The following ST3GAL1 variants were observed in gnomAD, a reference collection of about 807,000 sequenced individuals.
The protein encoded by ST3GAL1 is CMP-N-acetylneuraminate-beta-galactosamide-alpha-2,3-sialyltransferase 1.
ST3GAL1 carries 16 observed loss-of-function variants against 34.1 expected under a neutral mutation model. The observed-to-expected ratio is 0.47, with a 90% CI of 0.32 to 0.71. ST3GAL1 has a LOEUF of 0.71. Ranked by LOEUF, ST3GAL1 falls within the 30% of genes least tolerant of loss-of-function variation. ST3GAL1 has a pLI of 0.04. For synonymous variants in ST3GAL1, 191 were observed against 184.7 expected, an observed-to-expected ratio of 1.03 and a Z score of -0.28; for missense variants, 353 against 447.4, an observed-to-expected ratio of 0.79 and a Z score of 1.90.
Position 133,529,165 on chromosome 8 carries a change from C to T in ST3GAL1, c.-429+16609G>A, listed in dbSNP as rs1468308796. ...CCAACCCCTGTGGTGATGGGTCCTC[C>T]CACCAATGGGACCGGCTTTCTAGCC... On this transcript the variant is annotated intron_variant, in intron 2 of 9. Coordinates refer to ENST00000522652, the MANE Select transcript of ST3GAL1 (RefSeq NM_173344.3). Among the ~76,000 whole-genome samples the T allele has an allele frequency of 3.3e-5, 5 of 152,164 alleles. No individual in the cohort carries two copies. In the East Asian group the frequency reaches 7.7e-4, roughly 23 times the overall value.
chr8:133,460,200 C>T (rs1815444101), intron 9 of ST3GAL1, among the ~76,000 whole-genome samples: 1 of 152,106 alleles, frequency 6.6e-6, no homozygotes, highest in Non-Finnish European at 1.5e-5. Context: ...TCTCAGGGGC[C>T]CGGGTCTTAC....
intron 5 of ST3GAL1, among the ~76,000 whole-genome samples, chr8:133,471,222 G>A (rs1815944144): frequency 6.6e-6 from 1 of 152,140 alleles, no homozygotes; most frequent in African/African-American, 2.4e-5. Context: ...GGTAGTACAG[G>A]CTCAAGATAT....
chr8:133,536,738 G>A (rs968790218), intron 2 of ST3GAL1, among the ~76,000 whole-genome samples: 4 of 152,180 alleles, frequency 2.6e-5, no homozygotes, highest in Non-Finnish European at 1.5e-5. Flanking sequence ...GCCAGACACC[G>A]TACCCAGCTT....
Position 133,459,665 on chromosome 8 carries a change from G to T in ST3GAL1, c.*99C>A. On this transcript the variant is annotated 3_prime_UTR_variant, in exon 10 of 10. Coordinates refer to ENST00000522652, the MANE Select transcript of ST3GAL1 (RefSeq NM_173344.3). This position sits in a 1 kb window ranked among gnomAD's most constrained non-coding sequence, Gnocchi z 4.7. ...AGCGGTGCCCAGGCACACACCTGAG[G>T]CTGCCCCTCCAAGCTCCGGGATGGA... 2 of 1,460,212 alleles carry T rather than the reference G, an allele frequency of 1.4e-6. No individual in the cohort carries two copies. Among genetic ancestry groups the T allele is most frequent in the Non-Finnish European group, 1.8e-6 (2 of 1,086,908 alleles). The allele number at this position is 1,460,212 out of a possible 1,614,324, so 90.5% of individuals were successfully genotyped here. A position where few individuals can be genotyped will look rare whatever the true frequency, so the allele number is the denominator to read the frequency against.
At chr8:133,551,694 G>A (rs562997233) in intron 1 of ST3GAL1, among the ~76,000 whole-genome samples, 1 of 152,282 alleles carries the variant, frequency 6.6e-6, no homozygotes, top group Admixed American at 6.5e-5. Context: ...CTACTTTGCA[G>A]GGCTCTGATA....
In ST3GAL1 at chr8:133,568,435, G is replaced by A. The variant is rs535331225; in HGVS notation, c.-582+3258C>T. Among the ~76,000 whole-genome samples, 6 of 152,336 alleles carry A rather than the reference G, an allele frequency of 3.9e-5. No homozygotes were observed. In the East Asian group the frequency reaches 7.7e-4, roughly 20 times the overall value. ...GAAGTTTCCACAAAGTCTACACAAC[G>A]GAACGAAGCTGCATCTAAGTCTTAT... On this transcript the variant is annotated intron_variant, in intron 1 of 9. Coordinates refer to ENST00000522652, the MANE Select transcript of ST3GAL1 (RefSeq NM_173344.3).
At chr8:133,554,064 G>A (rs895228927) in intron 1 of ST3GAL1, among the ~76,000 whole-genome samples, 1 of 152,192 alleles carries the variant, frequency 6.6e-6, no homozygotes, top group South Asian at 2.1e-4. Context: ...AATCAGGGCT[G>A]TATAGCGGTT....
chr8:133,552,092 G>T (rs1191042791), intron 1 of ST3GAL1, among the ~76,000 whole-genome samples: 14 of 152,184 alleles, frequency 9.2e-5, no homozygotes, highest in Admixed American at 8.5e-4. Context: ...ACTGTGTTCT[G>T]CCCTGCTGGG....
At chr8:133,514,949 T>C (rs1006556918) in intron 2 of ST3GAL1, among the ~76,000 whole-genome samples, 5 of 152,142 alleles carry the variant, frequency 3.3e-5, no homozygotes, top group Non-Finnish European at 5.9e-5. Context: ...CCCCAGCAGA[T>C]GCCAAGCCCT....
chr8:133,490,455 TCAG>T (rs1816752763), intron 3 of ST3GAL1, among the ~76,000 whole-genome samples: 1 of 152,136 alleles, frequency 6.6e-6, no homozygotes, highest in Non-Finnish European at 1.5e-5. Context: ...ATAAATCTGC[TCAG>T]GAGGAACCAG....
At position 133,541,092 on chromosome 8, in the gene ST3GAL1, TAA is replaced by T. The variant is rs1563734561; in HGVS notation, c.-429+4680_-429+4681del. 1.2e-3 allele frequency among the ~76,000 whole-genome samples: 89 copies of T among 77,194 alleles called. 3 individuals carry two copies. The highest frequency in any genetic ancestry group is 1.4e-3 in the Non-Finnish European group (60 of 42,686). The allele number at this position is 77,194 out of a possible 152,430, so 50.6% of individuals were successfully genotyped here. A position where few individuals can be genotyped will look rare whatever the true frequency, so the allele number is the denominator to read the frequency against. ...AGACATATATATAGACATATATATA[TAA>T]ACATATATATATATATATATATATA... On this transcript the variant is annotated intron_variant, in intron 2 of 9. Transcript: ENST00000522652.
At chr8:133,518,965 G>T (rs1563724148) in intron 2 of ST3GAL1, among the ~76,000 whole-genome samples, 1 of 152,110 alleles carries the variant, frequency 6.6e-6, no homozygotes, top group African/African-American at 2.4e-5. Context: ...TATTGACAAG[G>T]GCAGCCCGTG....
At chr8:133,557,521 G>C (rs556652001) in intron 1 of ST3GAL1, among the ~76,000 whole-genome samples, 1 of 152,104 alleles carries the variant, frequency 6.6e-6, no homozygotes, top group East Asian at 1.9e-4. Context: ...TTGAGCTGTC[G>C]CACCAGCCAG....
intron 1 of ST3GAL1, among the ~76,000 whole-genome samples, chr8:133,563,002 T>C (rs1437921465): frequency 2.0e-5 from 3 of 152,130 alleles, no homozygotes; most frequent in Non-Finnish European, 2.9e-5. Context: ...GCTAGAGAAG[T>C]AGCTGGATTT....
chr8:133,462,007 G>C lies in ST3GAL1; in HGVS notation c.730-13C>G. 1 of 1,614,046 alleles carries C rather than the reference G, an allele frequency of 6.2e-7. No individual in the cohort carries two copies. The highest frequency in any genetic ancestry group is 8.5e-7 in the Non-Finnish European group (1 of 1,179,994). ...GGTAGATCAGGATCTGCGGGGATGG[G>C]AAGACACGGCCCTTAGTGAGTTCTG... On this transcript the variant is annotated splice_polypyrimidine_tract_variant and intron_variant, in intron 8 of 9. Transcript: ENST00000522652.
chr8:133,487,444 G>T lies in ST3GAL1; in HGVS notation c.-373-10844C>A, dbSNP rs2130969303. Among the ~76,000 whole-genome samples the T allele has an allele frequency of 2.6e-5, 4 of 152,226 alleles. 1 individual carries two copies. The highest frequency in any genetic ancestry group is 2.6e-4 in the Admixed American group (4 of 15,300). ...TGCATATGTGTGTGTGTGGATAATG[G>T]CTAGTGGGGTTGAAAATGAAGAAGA... On this transcript the variant is annotated intron_variant, in intron 3 of 9. Transcript: ENST00000522652.
intron 5 of ST3GAL1, 38 bp downstream of exon 5, chr8:133,475,681 A>G (rs778522763): frequency 1.3e-6 from 2 of 1,526,268 alleles, no homozygotes; most frequent in Non-Finnish European, 1.8e-6. Flanking sequence ...CCACACCCCA[A>G]CTCTCAGCCC....
At chr8:133,490,433 C>T (rs528028660) in intron 3 of ST3GAL1, among the ~76,000 whole-genome samples, 1 of 152,358 alleles carries the variant, frequency 6.6e-6, no homozygotes, top group East Asian at 1.9e-4. Context: ...TAGCCCAGGG[C>T]AGTTCACACG....
chr8:133,567,920 C>T (rs1344119281), intron 1 of ST3GAL1, among the ~76,000 whole-genome samples: 4 of 102,308 alleles, frequency 3.9e-5, no homozygotes, highest in African/African-American at 9.6e-5. Context: ...TAAAGCCTTG[C>T]TCTCTTTTTT....
Sources: gnomAD v4.1 joint callset for allele counts (sites outside exome capture counted in the v4.1 genomes callset) on GRCh38, gnomAD v4.1.1 for gene constraint, Gnocchi (gnomAD v3.1) non-coding constraint, MANE v1.5 for transcripts, NCBI Gene and HGNC (gene_info 2026-07-23, HGNC 2026-07-21) for gene names.